APOBEC1: variants seen among roughly 807,000 people sequenced by gnomAD.
APOBEC1 encodes the protein apolipoprotein B mRNA editing enzyme catalytic subunit 1.
Under a neutral mutation model 26.3 loss-of-function variants are expected in APOBEC1, and 22 were observed. The ratio of observed to expected loss-of-function variants is 0.84; its 90% CI spans 0.60 to 1.19. The LOEUF is 1.19. APOBEC1 is among the 50% of genes most tolerant of loss of function. The pLI, the probability that APOBEC1 is intolerant of heterozygous loss-of-function variation, is 0.00. For synonymous variants in APOBEC1, 77 were observed against 95.3 expected (o/e 0.81, Z 1.12); for missense variants, 253 against 289.0 (o/e 0.88, Z 0.90).
intron 1 of APOBEC1, among the ~76,000 whole-genome samples, chr12:7,662,910 C>A (rs1368629443): frequency 6.6e-6 from 1 of 152,058 alleles, no homozygotes; most frequent in Non-Finnish European, 1.5e-5. Flanking sequence ...AGCCACAGGG[C>A]CTTACCAGCT....
intron 1 of APOBEC1, among the ~76,000 whole-genome samples, chr12:7,661,903 T>G (rs1383275429): frequency 6.6e-6 from 1 of 152,176 alleles, no homozygotes; most frequent in Non-Finnish European, 1.5e-5. Flanking sequence ...AAATTCCCAA[T>G]GCACAGGGCT....
chr12:7,650,978 G>C (rs1365117805), intron 4 of APOBEC1, 45 bp downstream of exon 4: 6 of 1,373,694 alleles, frequency 4.4e-6, no homozygotes, highest in Non-Finnish European at 6.2e-6. Context: ...TTTGAAGAAG[G>C]ATGCTTCTTT....
intron 1 of APOBEC1, among the ~76,000 whole-genome samples, chr12:7,656,706 A>ATTGC (rs1286382813): frequency 6.6e-6 from 1 of 152,178 alleles, no homozygotes; most frequent in African/African-American, 2.4e-5. Flanking sequence ...AGACCCTAAG[A>ATTGC]TTGCCTATTC....
intron 1 of APOBEC1, among the ~76,000 whole-genome samples, chr12:7,657,158 C>G: frequency 6.6e-6 from 1 of 151,710 alleles, no homozygotes; most frequent in South Asian, 2.1e-4. Flanking sequence ...ATTTGGCATC[C>G]CAGCCAGAAT....
At chr12:7,659,294 C>CAAAAAAA (rs1163730869) in intron 1 of APOBEC1, among the ~76,000 whole-genome samples, 1 of 16,540 alleles carries the variant, frequency 6.0e-5, no homozygotes, top group Non-Finnish European at 1.0e-4. Context: ...AACTCCCTCT[C>CAAAAAAA]AAAAAAAAAA....
At chr12:7,665,018 G>A (rs894097381) in intron 1 of APOBEC1, among the ~76,000 whole-genome samples, 16 of 152,160 alleles carry the variant, frequency 1.1e-4, no homozygotes, top group Admixed American at 1.3e-4. Context: ...CAGCCTGGGC[G>A]AAGTAGTGAA....
intron 1 of APOBEC1, among the ~76,000 whole-genome samples, chr12:7,657,288 T>G (rs1253471868): frequency 6.6e-6 from 1 of 152,182 alleles, no homozygotes; most frequent in Non-Finnish European, 1.5e-5. Context: ...ACATAGAACC[T>G]AAGTTGAGCC....
chr12:7,666,295 C>CTTTTTTTTTTT (rs150651951), upstream of APOBEC1, among the ~76,000 whole-genome samples: 1 of 148,646 alleles, frequency 6.7e-6, no homozygotes. Flanking sequence ...ATGCATCATT[C>CTTTTTTTTTTT]TTTTTTTTTT....
chr12:7,661,984 C>T (rs897636177), intron 1 of APOBEC1, among the ~76,000 whole-genome samples: 1 of 152,184 alleles, frequency 6.6e-6, no homozygotes, highest in African/African-American at 2.4e-5. Context: ...ATAGCTCATG[C>T]CTATAATCCC....
At chr12:7,654,397 G>A (rs1404315552) in intron 2 of APOBEC1, among the ~76,000 whole-genome samples, 1 of 142,330 alleles carries the variant, frequency 7.0e-6, no homozygotes, top group Admixed American at 7.0e-5. Context: ...TTTGAGACAG[G>A]GTCTCAGTCT....
At chr12:7,660,368 G>GAAAGA (rs60757881) in intron 1 of APOBEC1, among the ~76,000 whole-genome samples, 4 of 97,178 alleles carry the variant, frequency 4.1e-5, no homozygotes, top group African/African-American at 1.7e-4. Context: ...AGGAAGGAAG[G>GAAAGA]AAGGAAGGAA....
chr12:7,667,590 AAGTT>A (rs1243323617), upstream of APOBEC1, among the ~76,000 whole-genome samples: 7 of 152,266 alleles, frequency 4.6e-5, no homozygotes, highest in African/African-American at 1.7e-4. Context: ...AAGTTTTTCT[AAGTT>A]AGGTAAGAGT....
intron 1 of APOBEC1, among the ~76,000 whole-genome samples, chr12:7,655,980 TA>T (rs887987470): frequency 1.4e-4 from 21 of 152,080 alleles, no homozygotes; most frequent in African/African-American, 5.1e-4. Flanking sequence ...CCCTGTCTCT[TA>T]AAAAATTAAA....
chr12:7,664,740 C>A (rs1032613137), intron 1 of APOBEC1, among the ~76,000 whole-genome samples: 11 of 151,678 alleles, frequency 7.3e-5, no homozygotes, highest in African/African-American at 2.7e-4. Context: ...TAAAGCAAGA[C>A]CTCATCTCTA....
chr12:7,663,917 C>T (rs1010187395), intron 1 of APOBEC1, among the ~76,000 whole-genome samples: 9 of 151,820 alleles, frequency 5.9e-5, no homozygotes, highest in African/African-American at 9.7e-5. Context: ...AGTGCAATGG[C>T]GCGATCTCGG....
chr12:7,670,075 C>CT (rs879375884), upstream of APOBEC1, among the ~76,000 whole-genome samples: 10,563 of 133,948 alleles, frequency 0.079, 668 homozygotes, highest in African/African-American at 0.091. Flanking sequence ...CCTCCTCCTC[C>CT]CGGGTTCAGG....
chr12:7,652,912 C>CTTTATT (rs1565440039), intron 2 of APOBEC1, 77 bp from the exon 3 acceptor site: 1 of 1,045,838 alleles, frequency 9.6e-7, no homozygotes, highest in Non-Finnish European at 1.3e-6. Flanking sequence ...CTCCCCTCTT[C>CTTTATT]TTTTTTTATT....
intron 2 of APOBEC1, 109 bp from the exon 3 acceptor site, chr12:7,652,944 T>TA: frequency 4.2e-6 from 4 of 947,934 alleles, no homozygotes; most frequent in Non-Finnish European, 4.1e-6. Flanking sequence ...TATTTTATTT[T>TA]TTTAAGATGG....
chr12:7,660,375 G>GGAAGGAAAGAAAGAAAGAAAGAAA (rs61183510), intron 1 of APOBEC1, among the ~76,000 whole-genome samples: 25 of 23,950 alleles, frequency 1.0e-3, no homozygotes, highest in African/African-American at 2.1e-3. Context: ...AAGGAAGGAA[G>GGAAGGAAAGAAAGAAAGAAAGAAA]GAAAGAAAGA....
Sources: gnomAD v4.1 joint callset for allele counts (sites outside exome capture counted in the v4.1 genomes callset) on GRCh38, gnomAD v4.1.1 for gene constraint, MANE v1.5 for transcripts, NCBI Gene and HGNC (gene_info 2026-07-23, HGNC 2026-07-21) for gene names.